Variants in VSIG10L2 observed in about 807,000 individuals in gnomAD.
VSIG10L2 encodes V-set and immunoglobulin domain containing 10 like 2.
Under a neutral mutation model 67.1 loss-of-function variants are expected in VSIG10L2, and 56 were observed. That is an observed-to-expected ratio of 0.83 (90% CI 0.67 to 1.04). The LOEUF is 1.04. Ranked by LOEUF, VSIG10L2 falls within the 50% of genes least tolerant of loss-of-function variation. The pLI, the probability that VSIG10L2 is intolerant of heterozygous loss-of-function variation, is 0.00. For missense variants in VSIG10L2, 843 were observed against 932.8 expected (o/e 0.90, Z 1.25); for synonymous variants, 360 against 396.6 (o/e 0.91, Z 1.10).
Position 125,949,194 on chromosome 11 carries a change from G to T in VSIG10L2, c.709+614G>T, listed in dbSNP as rs528805818. On this transcript the variant is annotated intron_variant, in intron 3 of 11. Transcript: ENST00000686984. ...TGATTATATATTGAAATAACATTCT[G>T]GATATATTTGGTTAAATAAATATAT... 9.8e-4 allele frequency among the ~76,000 whole-genome samples: 150 copies of T among 152,292 alleles called. 1 individual carries two copies. Among genetic ancestry groups the T allele is most frequent in the Non-Finnish European group, 1.6e-3 (108 of 68,034 alleles).
chr11:125,951,278 C>A, intron 5 of VSIG10L2, 120 bp downstream of exon 5: 2 of 969,660 alleles, frequency 2.1e-6, no homozygotes, highest in Non-Finnish European at 2.7e-6. Context: ...CTCCAAAACA[C>A]GCCATGTAAC....
At position 125,951,058 on chromosome 11, in the gene VSIG10L2, C is replaced by G; in HGVS notation, c.1134C>G (p.Thr378=). ...GPGPTAPSNV[T]WSHAAAQLPS... ...GCCCTACTGCCCCCAGCAACGTCAC[C>G]TGGAGTCACGCAGCCGCCCAGCTCC... The change falls in exon 5 of 12, where the codon ACC becomes ACG. Residue 378 remains threonine (T), a synonymous_variant. Coordinates refer to ENST00000686984, the MANE Select transcript of VSIG10L2 (RefSeq NM_001365077.2). 8.1e-7 allele frequency: 1 copy of G among 1,232,766 alleles called. No individual in the cohort carries two copies. The highest frequency in any genetic ancestry group is 1.0e-6 in the Non-Finnish European group (1 of 988,462). The allele number at this position is 1,232,766 out of a possible 1,614,324, so 76.4% of individuals were successfully genotyped here. A position where few individuals can be genotyped will look rare whatever the true frequency, so the allele number is the denominator to read the frequency against.
In VSIG10L2 at chr11:125,955,172, T is replaced by C. The variant is rs2134309233; in HGVS notation, c.2199T>C (p.Thr733=). ...VFQYAARHPE[T]FPRLGQLLVP... is the part of the protein sequence containing the mutation. ...AGTATGCTGCCCGGCACCCAGAGACTTTCCCCCGTGAGTGGGAATCGGAAG... is the reference window on the plus strand; with the variant it reads ...AGTATGCTGCCCGGCACCCAGAGACCTTCCCCCGTGAGTGGGAATCGGAAG... Residue 733 remains threonine (T), a synonymous_variant, in exon 9 of 12, where the codon ACT becomes ACC. Transcript: ENST00000686984. 1 of 1,250,124 alleles carries C rather than the reference T, an allele frequency of 8.0e-7. No homozygotes were observed. Among genetic ancestry groups the C allele is most frequent in the South Asian group, 3.8e-5 (1 of 26,266 alleles). 77.4% of individuals were successfully genotyped at this position (1,250,124 alleles called of 1,614,324 possible). A position where few individuals can be genotyped will look rare whatever the true frequency, so the allele number is the denominator to read the frequency against.
chr11:125,949,025 C>T (rs1945330561), intron 3 of VSIG10L2, among the ~76,000 whole-genome samples: 1 of 152,190 alleles, frequency 6.6e-6, no homozygotes, highest in South Asian at 2.1e-4. Context: ...GCTCGCTGTC[C>T]CACATGGCAG....
rs912942463 is a variant in VSIG10L2, at chr11:125,946,259, G to T, written c.82+122G>T. The stretch of plus-strand genomic sequence containing the variant: ...ATGAAGTCCGTTCAGTCATTCATCG[G>T]CTAGACATTTAACTAGCGTTCACTG... On this transcript the variant is annotated intron_variant, in intron 1 of 11. Coordinates refer to ENST00000686984, the MANE Select transcript of VSIG10L2 (RefSeq NM_001365077.2). The surrounding 1 kb of genome is among the most constrained non-coding windows in gnomAD (Gnocchi z 4.4). 1.3e-5 allele frequency: 5 copies of T among 396,920 alleles called. No homozygotes were observed. Among genetic ancestry groups the T allele is most frequent in the Non-Finnish European group, 2.2e-5 (5 of 225,382 alleles). 24.6% of individuals were successfully genotyped at this position (396,920 alleles called of 1,614,324 possible).
rs1329823652 is a variant in VSIG10L2 at position 125,947,275 on chromosome 11, G to A, written c.83-411G>A. Reference sequence around the variant, plus strand: ...TCTCCTTATCTCCAGGGTCACCATCGTCACGGGACTGATCATCAGACTGAT... The same window carrying A: ...TCTCCTTATCTCCAGGGTCACCATCATCACGGGACTGATCATCAGACTGAT... On this transcript the variant is annotated intron_variant, in intron 1 of 11. Coordinates refer to ENST00000686984, the MANE Select transcript of VSIG10L2 (RefSeq NM_001365077.2). 3.6e-5 allele frequency: 10 copies of A among 277,180 alleles called. No individual in the cohort carries two copies. In the South Asian group the frequency reaches 5.5e-4, roughly 15 times the overall value. The allele number at this position is 277,180 out of a possible 1,614,324, so 17.2% of individuals were successfully genotyped here.
chr11:125,952,086 T>C lies in VSIG10L2; in HGVS notation c.1495+13T>C, dbSNP rs1204912217. 1 of 1,525,270 alleles carries C rather than the reference T, an allele frequency of 6.6e-7. No homozygotes were observed. The highest frequency in any genetic ancestry group is 8.8e-7 in the Non-Finnish European group (1 of 1,139,228). 94.5% of individuals were successfully genotyped at this position (1,525,270 alleles called of 1,614,324 possible). On this transcript the variant is annotated intron_variant, in intron 6 of 11. Transcript: ENST00000686984. Reference sequence around the variant, plus strand: ...CACCTCCAGCTGGGTGAGTAGGGGCTAGCGAGTTTGTTCTGGGGCTGGGAC... The same window carrying C: ...CACCTCCAGCTGGGTGAGTAGGGGCCAGCGAGTTTGTTCTGGGGCTGGGAC...
chr11:125,955,671 A>G lies in VSIG10L2; in HGVS notation c.2284+4A>G. ...GAAGATGCTGAGGCACCGGCAGGTA[A>G]GCACCTTATCCAGAAAAAGACGACT... is the stretch of plus-strand genomic sequence containing the variant. On this transcript the variant is annotated splice_donor_region_variant and intron_variant, in intron 11 of 11. Coordinates refer to ENST00000686984, the MANE Select transcript of VSIG10L2 (RefSeq NM_001365077.2). 1 of 1,533,474 alleles carries G rather than the reference A, an allele frequency of 6.5e-7. No individual in the cohort carries two copies. The highest frequency in any genetic ancestry group is 8.7e-7 in the Non-Finnish European group (1 of 1,145,810). The allele number at this position is 1,533,474 out of a possible 1,614,324, so 95.0% of individuals were successfully genotyped here.
chr11:125,950,896 A>G lies in VSIG10L2; in HGVS notation c.986-14A>G. On this transcript the variant is annotated splice_polypyrimidine_tract_variant and intron_variant, in intron 4 of 11. Transcript: ENST00000686984. ...AGTGGAGCCTGCTCCAGCCTCACCC[A>G]CTTCCCCATCCAGATCCCCCTGAGG... 8.1e-7 allele frequency: 1 copy of G among 1,232,278 alleles called. No homozygotes were observed. Among genetic ancestry groups the G allele is most frequent in the Non-Finnish European group, 1.0e-6 (1 of 988,318 alleles). The allele number at this position is 1,232,278 out of a possible 1,614,324, so 76.3% of individuals were successfully genotyped here.
Position 125,950,277 on chromosome 11 carries a change from C to T in VSIG10L2, c.973C>T (p.Leu325Phe). ...CACCCGCACCCAGACTACTGTCCAG[C>T]TCACCATCTACTGTGAGTGTGGGGG... ...LDTRTQTTVQ[L>F]TIYYPPEGQP... The change falls in exon 4 of 12, where the codon CTC (leucine) becomes TTC (phenylalanine). Residue 325 changes from leucine (L) to phenylalanine (F), a missense_variant. By Grantham distance (22) the Leu-to-Phe change is conservative. Around this residue, in one of 2 missense-constraint regions of VSIG10L2, gnomAD observed 446 missense variants for 548.4 expected, o/e 0.81. Coordinates refer to ENST00000686984, the MANE Select transcript of VSIG10L2 (RefSeq NM_001365077.2). 2.4e-6 allele frequency: 3 copies of T among 1,232,450 alleles called. No individual in the cohort carries two copies. In the South Asian group the frequency reaches 1.2e-4, roughly 51 times the overall value. The allele number at this position is 1,232,450 out of a possible 1,614,324, so 76.3% of individuals were successfully genotyped here. A position where few individuals can be genotyped will look rare whatever the true frequency, so the allele number is the denominator to read the frequency against.
Position 125,951,102 on chromosome 11 carries a change from C to A in VSIG10L2, c.1178C>A (p.Thr393Asn). 1 of 1,233,032 alleles carries A rather than the reference C, an allele frequency of 8.1e-7. No homozygotes were observed. The highest frequency in any genetic ancestry group is 3.2e-5 in the East Asian group (1 of 31,730). 76.4% of individuals were successfully genotyped at this position (1,233,032 alleles called of 1,614,324 possible). A position where few individuals can be genotyped will look rare whatever the true frequency, so the allele number is the denominator to read the frequency against. The change falls in exon 5 of 12, where the codon ACC becomes AAC. Residue 393 changes from threonine (T) to asparagine (N), a missense_variant. Transcript: ENST00000686984. ...AAQLPSGSVF[T>N]CTGQHPALAP... Reference sequence around the variant, plus strand: ...CAGCTCCCCAGTGGCAGCGTCTTCACCTGCACTGGCCAGCACCCAGCCCTG... The same window carrying A: ...CAGCTCCCCAGTGGCAGCGTCTTCAACTGCACTGGCCAGCACCCAGCCCTG...
Position 125,950,130 on chromosome 11 carries a change from A to C in VSIG10L2, c.826A>C (p.Ser276Arg). ...CTGTCTGGCTGCCTCCAACCCACCT[A>C]GTCACTATGTGTGGCTCCGTGACCA... ...LSCLAASNPPSHYVWLRDHTQ... is the reference protein window; with the variant it reads ...LSCLAASNPPRHYVWLRDHTQ... Residue 276 changes from serine to arginine, a missense_variant, in exon 4 of 12, where the codon AGT (serine) becomes CGT (arginine). This residue lies in a region of VSIG10L2 where 446 missense variants were observed against 548.4 expected (regional missense o/e 0.81). Transcript: ENST00000686984. 1 of 1,232,396 alleles carries C rather than the reference A, an allele frequency of 8.1e-7. No homozygotes were observed. The highest frequency in any genetic ancestry group is 1.0e-6 in the Non-Finnish European group (1 of 988,148). The allele number at this position is 1,232,396 out of a possible 1,614,324, so 76.3% of individuals were successfully genotyped here.
chr11:125,949,153 T>C (rs1945331516), intron 3 of VSIG10L2, among the ~76,000 whole-genome samples: 1 of 152,266 alleles, frequency 6.6e-6, no homozygotes, highest in Non-Finnish European at 1.5e-5. Context: ...ATGTAAAATA[T>C]CCGTAACTTC....
chr11:125,947,391 C>T, intron 1 of VSIG10L2: 1 of 984,600 alleles, frequency 1.0e-6, no homozygotes. Flanking sequence ...GGGTGACGTC[C>T]ACGAATCTGC....
At chr11:125,954,793 C>G (rs1945430573) in intron 8 of VSIG10L2, among the ~76,000 whole-genome samples, 1 of 152,160 alleles carries the variant, frequency 6.6e-6, no homozygotes, top group South Asian at 2.1e-4. Context: ...CCCCAAGCCG[C>G]CAAGATAACC....
At chr11:125,948,080 G>C (rs1238386154) in intron 2 of VSIG10L2, 44 bp downstream of exon 2, 2 of 1,232,436 alleles carry the variant, frequency 1.6e-6, no homozygotes, top group Non-Finnish European at 2.0e-6. Flanking sequence ...GGGCTGCTTT[G>C]GATTTCTCTG....
chr11:125,950,178 AC>A lies in VSIG10L2; in HGVS notation c.876del (p.Tyr293MetfsTer54). The A allele has an allele frequency of 8.1e-7, 1 of 1,232,324 alleles. No homozygotes were observed. The highest frequency in any genetic ancestry group is 1.0e-6 in the Non-Finnish European group (1 of 988,108). The allele number at this position is 1,232,324 out of a possible 1,614,324, so 76.3% of individuals were successfully genotyped here. ...CCACACGCAAGTCCACACGGGGCCT[AC>A]CTATGTCATCGCCAGAGCTGGCCGT... ...RDHTQVHTGP[T>X]YVIARAGRVH... On this transcript the variant is annotated frameshift_variant, in exon 4 of 12. Transcript: ENST00000686984. LOFTEE classifies it high-confidence loss of function.
intron 5 of VSIG10L2, 96 bp downstream of exon 5, chr11:125,951,254 C>G: frequency 8.5e-7 from 1 of 1,173,292 alleles, no homozygotes; most frequent in Non-Finnish European, 1.1e-6. Flanking sequence ...CTGGGTGGCT[C>G]TCCAGACCGC....
intron 3 of VSIG10L2, among the ~76,000 whole-genome samples, chr11:125,949,179 T>C (rs1945332119): frequency 6.6e-6 from 1 of 152,278 alleles, no homozygotes; most frequent in Non-Finnish European, 1.5e-5. Context: ...TGATTATATA[T>C]TGAAATAACA....
Sources: allele counts gnomAD v4.1 joint callset (sites outside exome capture counted in the v4.1 genomes callset), GRCh38; gene constraint gnomAD v4.1.1; regional missense constraint gnomAD v4.1.1; non-coding constraint Gnocchi (gnomAD v3.1); transcripts MANE v1.5; gene names NCBI Gene and HGNC (gene_info 2026-07-23, HGNC 2026-07-21).